ALK: variants seen among roughly 807,000 people sequenced by gnomAD.
The protein encoded by ALK is ALK receptor tyrosine kinase.
A neutral mutation model predicts 163.1 loss-of-function variants in ALK; 74 were observed. The ratio of observed to expected loss-of-function variants is 0.45; its 90% CI spans 0.38 to 0.55. The LOEUF (loss-of-function observed/expected upper bound fraction) is 0.55. Among genes scored for constraint, ALK ranks in the 20% least tolerant of loss-of-function variants. The pLI is 0.00. For missense variants in ALK, 2,063 were observed against 2,105.3 expected, an observed-to-expected ratio of 0.98 and a Z score of 0.39; for synonymous variants, 960 against 843.2, an observed-to-expected ratio of 1.14 and a Z score of -2.40.
intron 1 of ALK, among the ~76,000 whole-genome samples, chr2:29,837,580 A>T (rs1395281932): frequency 6.6e-6 from 1 of 152,240 alleles, no homozygotes; most frequent in Non-Finnish European, 1.5e-5. Context: ...CGATAAATTC[A>T]TAGAAGCCCC....
chr2:29,697,696 G>C (rs1423248076), intron 2 of ALK, among the ~76,000 whole-genome samples: 1 of 152,208 alleles, frequency 6.6e-6, no homozygotes, highest in Non-Finnish European at 1.5e-5. Context: ...TTTGAGTCCA[G>C]GCATGACTAG....
intron 4 of ALK, among the ~76,000 whole-genome samples, chr2:29,525,447 C>G (rs1672932143): frequency 6.6e-6 from 1 of 152,166 alleles, no homozygotes; most frequent in South Asian, 2.1e-4. Flanking sequence ...GCTTTCTAAA[C>G]ATACATATGC....
At chr2:29,350,801 G>A (rs942684838) in intron 5 of ALK, among the ~76,000 whole-genome samples, 5 of 152,198 alleles carry the variant, frequency 3.3e-5, no homozygotes, top group Non-Finnish European at 7.3e-5. Context: ...GCCCAGAGAG[G>A]TTAAGCAACT....
At chr2:29,845,436 C>T (rs80200833) in intron 1 of ALK, among the ~76,000 whole-genome samples, 6,899 of 46,324 alleles carry the variant, frequency 0.15, 212 homozygotes, top group Non-Finnish European at 0.21. Context: ...CAACCTTTAA[C>T]GACATTTTTT....
intron 22 of ALK, 125 bp downstream of exon 22, chr2:29,222,219 T>C: frequency 1.2e-6 from 1 of 850,916 alleles, no homozygotes; most frequent in South Asian, 1.4e-5. Context: ...AGTCTCCTAC[T>C]GGAGAAAAGG....
chr2:29,292,289 T>C (rs1045475130), intron 9 of ALK, among the ~76,000 whole-genome samples: 5 of 152,238 alleles, frequency 3.3e-5, no homozygotes, highest in African/African-American at 1.2e-4. Flanking sequence ...CAAATCCATC[T>C]CATAACGAGT....
At chr2:29,283,109 TG>T (rs1321022170) in intron 9 of ALK, among the ~76,000 whole-genome samples, 1 of 152,178 alleles carries the variant, frequency 6.6e-6, no homozygotes. Flanking sequence ...AAATGCCAAG[TG>T]CCCTAGGGAA....
chr2:29,647,788 T>TC lies in ALK; in HGVS notation c.952+47061_952+47062insG, dbSNP rs1403420008. On this transcript the variant is annotated intron_variant, in intron 3 of 28. Coordinates refer to ENST00000389048, the MANE Select transcript of ALK (RefSeq NM_004304.5). ...TCATGATTTTTTCTTTTTTTTTTTT[T>TC]TTTTTTGCCACAGTCACATGCCTCT... 2.7e-5 allele frequency among the ~76,000 whole-genome samples: 4 copies of TC among 150,462 alleles called. No homozygotes were observed. In the East Asian group the frequency reaches 7.8e-4, roughly 29 times the overall value.
chr2:29,495,517 G>T (rs965702303), intron 4 of ALK, among the ~76,000 whole-genome samples: 1 of 152,134 alleles, frequency 6.6e-6, no homozygotes, highest in Non-Finnish European at 1.5e-5. Context: ...ACTAGTGCTA[G>T]TTACTAGCCC....
chr2:29,916,589 T>C (rs4315479), intron 1 of ALK, among the ~76,000 whole-genome samples: 5,252 of 152,286 alleles, frequency 0.034, 278 homozygotes, highest in African/African-American at 0.12. Flanking sequence ...CTGACAGATA[T>C]GGGAGTTCAA....
At position 29,369,563 on chromosome 2, in the gene ALK, G is replaced by A. The variant is rs1024210509; in HGVS notation, c.1282+14169C>T. 3.9e-5 allele frequency among the ~76,000 whole-genome samples: 6 copies of A among 152,288 alleles called. No homozygotes were observed. The South Asian group carries it at 8.3e-4, about 21-fold the overall frequency. ...CCTCAGGCCTGTGCCTGGAGCAAGAGCACAGCAGGCTTCACTGATGACGGA... is the reference window on the plus strand; with the variant it reads ...CCTCAGGCCTGTGCCTGGAGCAAGAACACAGCAGGCTTCACTGATGACGGA... On this transcript the variant is annotated intron_variant, in intron 5 of 28. Coordinates refer to ENST00000389048, the MANE Select transcript of ALK (RefSeq NM_004304.5).
intron 11 of ALK, among the ~76,000 whole-genome samples, chr2:29,265,760 A>T (rs1041699701): frequency 2.0e-5 from 3 of 152,056 alleles, no homozygotes; most frequent in Non-Finnish European, 1.5e-5. Context: ...GGCCTAGGCG[A>T]GTGGATCACC....
intron 9 of ALK, among the ~76,000 whole-genome samples, chr2:29,279,462 A>T (rs969679833): frequency 6.6e-6 from 1 of 152,040 alleles, no homozygotes; most frequent in Non-Finnish European, 1.5e-5. Context: ...CTGCTGAAGG[A>T]TGGGTGGAGG....
intron 1 of ALK, among the ~76,000 whole-genome samples, chr2:29,903,496 C>G (rs1219578827): frequency 6.6e-6 from 1 of 152,090 alleles, no homozygotes; most frequent in African/African-American, 2.4e-5. Context: ...ATAAACCCTA[C>G]CCAAATAAGG....
chr2:29,579,575 C>T (rs1674620887), intron 3 of ALK, among the ~76,000 whole-genome samples: 1 of 152,176 alleles, frequency 6.6e-6, no homozygotes, highest in African/African-American at 2.4e-5. Context: ...GTCCTCTATA[C>T]ACTTTGGTGA....
At chr2:29,337,552 C>G (rs993511060) in intron 5 of ALK, among the ~76,000 whole-genome samples, 1 of 152,200 alleles carries the variant, frequency 6.6e-6, no homozygotes, top group Non-Finnish European at 1.5e-5. Context: ...GGCCTGACTT[C>G]AGTCCTATAG....
intron 5 of ALK, among the ~76,000 whole-genome samples, chr2:29,354,754 C>T (rs1385646883): frequency 6.6e-6 from 1 of 151,720 alleles, no homozygotes; most frequent in Non-Finnish European, 1.5e-5. Context: ...ACCACATGCC[C>T]ACTTTTCTTT....
At position 29,220,610 on chromosome 2, in the gene ALK, C is replaced by T. The variant is rs539785199; in HGVS notation, c.3645+96G>A. The T allele has an allele frequency of 2.4e-4, 374 of 1,572,858 alleles. No homozygotes were observed. In the African/African-American group the frequency reaches 3.7e-3, roughly 15 times the overall value. On this transcript the variant is annotated intron_variant, in intron 23 of 28. Coordinates refer to ENST00000389048, the MANE Select transcript of ALK (RefSeq NM_004304.5). The stretch of plus-strand genomic sequence containing the variant: ...CTAAAGTTGACACCCTGGGTTCCAT[C>T]GAGGAACTTGCTACCCAGGCTGCCC...
Position 29,920,421 on chromosome 2 carries a change from A to G in ALK, c.239T>C (p.Leu80Pro). The change falls in exon 1 of 29, where the codon CTG becomes CCG. Residue 80 changes from leucine to proline, a missense_variant. Physicochemically the swap from Leu to Pro is moderately conservative, Grantham distance 98. Coordinates refer to ENST00000389048, the MANE Select transcript of ALK (RefSeq NM_004304.5). ...DLLLPPSSSE[L>P]KAGRPEARGS... ...GCGGGCCTCGGGCCTGCCAGCCTTCAGCTCCGAGGAGGATGGTGGCAGCAG... is the reference window on the plus strand; with the variant it reads ...GCGGGCCTCGGGCCTGCCAGCCTTCGGCTCCGAGGAGGATGGTGGCAGCAG... The G allele has an allele frequency of 1.3e-6, 2 of 1,599,322 alleles. No homozygotes were observed. The highest frequency in any genetic ancestry group is 1.7e-6 in the Non-Finnish European group (2 of 1,173,450).
Sources: gnomAD v4.1 joint callset for allele counts (sites outside exome capture counted in the v4.1 genomes callset) on GRCh38, gnomAD v4.1.1 for gene constraint, MANE v1.5 for transcripts, NCBI Gene and HGNC (gene_info 2026-07-23, HGNC 2026-07-21) for gene names.